Variants in CACNA2D3 observed in about 807,000 individuals in gnomAD.
CACNA2D3 encodes the protein calcium voltage-gated channel auxiliary subunit alpha2delta 3.
A neutral mutation model predicts 160.6 loss-of-function variants in CACNA2D3; 60 were observed. The observed-to-expected ratio is 0.37, with a 90% CI of 0.30 to 0.46. The LOEUF (loss-of-function observed/expected upper bound fraction) is 0.46, where lower values mean the gene tolerates loss of function less well. CACNA2D3 is among the 20% of genes least tolerant of loss of function. The probability of loss-of-function intolerance (pLI) is 1.00; values close to 1 mark genes in which losing one functional copy is unlikely to be tolerated. For missense variants in CACNA2D3, 1,205 were observed against 1,365.0 expected, an observed-to-expected ratio of 0.88 and a Z score of 1.85; for synonymous variants, 558 against 492.9, an observed-to-expected ratio of 1.13 and a Z score of -1.75.
At chr3:54,699,392 C>T (rs998639210) in intron 11 of CACNA2D3, among the ~76,000 whole-genome samples, 2 of 152,140 alleles carry the variant, frequency 1.3e-5, no homozygotes, top group African/African-American at 4.8e-5. Context: ...GTGTCCCATG[C>T]TTGTCATGAT....
At chr3:54,403,133 G>C (rs1163563755) in intron 4 of CACNA2D3, among the ~76,000 whole-genome samples, 2 of 152,018 alleles carry the variant, frequency 1.3e-5, no homozygotes, top group African/African-American at 4.8e-5. Context: ...GATGGAGATG[G>C]ACAGATCACT....
rs530457155 is a variant in CACNA2D3, at chr3:54,761,488, A to G, written c.1247-2730A>G. Among the ~76,000 whole-genome samples, 26 of 152,340 alleles carry G rather than the reference A, an allele frequency of 1.7e-4. 1 individual carries two copies. In the South Asian group the frequency reaches 5.0e-3, roughly 29 times the overall value. On this transcript the variant is annotated intron_variant, in intron 12 of 37. Coordinates refer to ENST00000474759, the MANE Select transcript of CACNA2D3 (RefSeq NM_018398.3). ...ATGCTTGGAGAGATGATAACTGTGT[A>G]TGTGGCATGTTCCCTATCCTCTGGC...
chr3:54,915,134 A>T (rs1355317340), intron 27 of CACNA2D3, among the ~76,000 whole-genome samples: 1 of 152,222 alleles, frequency 6.6e-6, no homozygotes, highest in African/African-American at 2.4e-5. Context: ...AACCCTTAGT[A>T]ATCCACTGGC....
intron 29 of CACNA2D3, 119 bp downstream of exon 29, chr3:54,969,963 T>TC (rs1291708909): frequency 3.2e-6 from 2 of 627,252 alleles, no homozygotes; most frequent in Non-Finnish European, 2.5e-6. Context: ...ACTGGGCCAA[T>TC]CTAAAAAAAA....
chr3:54,330,485 C>T (rs1351804056), intron 3 of CACNA2D3, among the ~76,000 whole-genome samples: 1 of 152,130 alleles, frequency 6.6e-6, no homozygotes, highest in African/African-American at 2.4e-5. Context: ...GTCTTCCTAC[C>T]TCAAGCAGGT....
intron 2 of CACNA2D3, among the ~76,000 whole-genome samples, chr3:54,219,323 C>T (rs1701523104): frequency 6.6e-6 from 1 of 152,164 alleles, no homozygotes; most frequent in Non-Finnish European, 1.5e-5. Context: ...CCTACCTCTC[C>T]CCCTACTCTT....
chr3:54,195,091 G>T (rs1701054243), intron 2 of CACNA2D3, among the ~76,000 whole-genome samples: 1 of 152,114 alleles, frequency 6.6e-6, no homozygotes, highest in South Asian at 2.1e-4. Context: ...AACCTCGGAG[G>T]GCATCCAAAT....
chr3:54,822,787 T>TTTCTTTCTTTCTTTCCTTCC lies in CACNA2D3; in HGVS notation c.1398+5920_1398+5921insTTTCTTTCTTTCCTTCCTTC. ...CTTTCTTTCTTTCTTTCTTTCTTTCTTTCCTTTCTTTCTTTCTTTCTTTCT... is the reference window on the plus strand; with the variant it reads ...CTTTCTTTCTTTCTTTCTTTCTTTCTTTCTTTCTTTCTTTCCTTCCTTCCTTTCTTTCTTTCTTTCTTTCT... On this transcript the variant is annotated intron_variant, in intron 14 of 37. Transcript: ENST00000474759. Among the ~76,000 whole-genome samples the TTTCTTTCTTTCTTTCCTTCC allele has an allele frequency of 2.8e-5, 2 of 70,712 alleles. 1 individual carries two copies. The highest frequency in any genetic ancestry group is 1.1e-4 in the African/African-American group (2 of 18,952). 46.4% of individuals were successfully genotyped at this position (70,712 alleles called of 152,430 possible).
At chr3:54,579,367 C>T (rs990928786) in intron 8 of CACNA2D3, among the ~76,000 whole-genome samples, 6 of 152,138 alleles carry the variant, frequency 3.9e-5, no homozygotes, top group East Asian at 1.9e-4. Context: ...CTTTGCATTC[C>T]GTTCTTTCTC....
intron 11 of CACNA2D3, among the ~76,000 whole-genome samples, chr3:54,713,120 G>GT (rs1373693833): frequency 1.3e-5 from 2 of 152,276 alleles, no homozygotes; most frequent in East Asian, 3.9e-4. Context: ...ATTGTTCTTT[G>GT]TGACCCCATT....
chr3:54,284,468 T>G (rs569596730), intron 2 of CACNA2D3, among the ~76,000 whole-genome samples: 1 of 152,068 alleles, frequency 6.6e-6, no homozygotes, highest in South Asian at 2.1e-4. Context: ...TTAGGAGAAG[T>G]TGGGTGAAGG....
rs549244135 is a variant in CACNA2D3 at position 54,213,417 on chromosome 3, G to C, written c.204+89823G>C. Reference sequence around the variant, plus strand: ...CACCCCTCCTGCCTTAACCCCCGGGGAACATCGATAATACAGGAACAATTG... The same window carrying C: ...CACCCCTCCTGCCTTAACCCCCGGGCAACATCGATAATACAGGAACAATTG... On this transcript the variant is annotated intron_variant, in intron 2 of 37. Coordinates refer to ENST00000474759, the MANE Select transcript of CACNA2D3 (RefSeq NM_018398.3). Among the ~76,000 whole-genome samples the C allele has an allele frequency of 5.9e-5, 9 of 152,290 alleles. No individual in the cohort carries two copies. The South Asian group carries it at 1.9e-3, about 32-fold the overall frequency.
At chr3:54,840,171 C>T (rs1370135612) in intron 16 of CACNA2D3, among the ~76,000 whole-genome samples, 2 of 151,994 alleles carry the variant, frequency 1.3e-5, no homozygotes, top group Non-Finnish European at 2.9e-5. Flanking sequence ...CTACTTGATA[C>T]GTGTCCAATA....
intron 21 of CACNA2D3, among the ~76,000 whole-genome samples, chr3:54,884,150 G>A (rs1699873030): frequency 6.6e-6 from 1 of 152,156 alleles, no homozygotes; most frequent in East Asian, 1.9e-4. Context: ...AGGAAAAAAA[G>A]AAGAAAGGCT....
chr3:54,387,564 A>C (rs968668654), intron 4 of CACNA2D3, among the ~76,000 whole-genome samples: 6 of 152,218 alleles, frequency 3.9e-5, no homozygotes, highest in Non-Finnish European at 5.9e-5. Flanking sequence ...AGGCAGGAGA[A>C]TTGCTTGAAC....
intron 35 of CACNA2D3, among the ~76,000 whole-genome samples, chr3:55,072,975 G>A (rs970288680): frequency 1.3e-5 from 2 of 152,202 alleles, no homozygotes; most frequent in Admixed American, 6.5e-5. Flanking sequence ...TATAAGGAAG[G>A]CTCTAAGAAG....
chr3:54,400,782 A>G (rs1040491366), intron 4 of CACNA2D3, among the ~76,000 whole-genome samples: 1 of 152,228 alleles, frequency 6.6e-6, no homozygotes, highest in African/African-American at 2.4e-5. Context: ...AAAGTTTGGA[A>G]GAGGTGATTG....
At chr3:55,039,266 A>G (rs141101958) in intron 35 of CACNA2D3, among the ~76,000 whole-genome samples, 1 of 152,266 alleles carries the variant, frequency 6.6e-6, no homozygotes, top group East Asian at 1.9e-4. Context: ...CCCAGCCTGC[A>G]GCACTATGCT....
At chr3:54,825,822 GTCTA>G (rs1397069021) in intron 14 of CACNA2D3, among the ~76,000 whole-genome samples, 2 of 152,070 alleles carry the variant, frequency 1.3e-5, no homozygotes, top group Non-Finnish European at 2.9e-5. Flanking sequence ...AATAAATGAA[GTCTA>G]TATCAAATCA....
Sources: allele counts gnomAD v4.1 joint callset (sites outside exome capture counted in the v4.1 genomes callset), GRCh38; gene constraint gnomAD v4.1.1; transcripts MANE v1.5; gene names NCBI Gene and HGNC (gene_info 2026-07-23, HGNC 2026-07-21).